The following CCDC50 variants were observed in gnomAD, a reference collection of about 807,000 sequenced individuals.
CCDC50 encodes coiled-coil domain-containing protein 50.
CCDC50 carries 54 observed loss-of-function variants against 70.2 expected under a neutral mutation model. The ratio of observed to expected loss-of-function variants is 0.77; its 90% confidence interval spans 0.62 to 0.96. The LOEUF is 0.96. Among genes scored for constraint, CCDC50 ranks in the 50% least tolerant of loss-of-function variants. The probability of loss-of-function intolerance (pLI) is 0.00; values close to 1 mark genes in which losing one functional copy is unlikely to be tolerated. For missense variants in CCDC50, 558 were observed against 578.7 expected (o/e 0.96, Z 0.37); for synonymous variants, 216 against 198.8 (o/e 1.09, Z -0.73).
intron 1 of CCDC50, among the ~76,000 whole-genome samples, chr3:191,342,687 G>C (rs994120570): frequency 3.3e-5 from 5 of 152,154 alleles, no homozygotes; most frequent in Non-Finnish European, 5.9e-5. Context: ...CAAACCATTT[G>C]AGGGCTTGTG....
In CCDC50 at chr3:191,387,595, TCTTAAGAAGTACTCTTAAGAAGTA is replaced by T. The variant is rs1395142388; in HGVS notation, c.1323-1880_1323-1857del. ...TACTCTTAAGAGCATTCTAGATTGC[TCTTAAGAAGTACTCTTAAGAAGTA>T]CTTAAGAAGTACTCTTAAGAGCATT... is the stretch of plus-strand genomic sequence containing the variant. On this transcript the variant is annotated intron_variant, in intron 10 of 11. Coordinates refer to ENST00000392455, the MANE Select transcript of CCDC50 (RefSeq NM_178335.3). Among the ~76,000 whole-genome samples the T allele has an allele frequency of 3.1e-3, 462 of 149,972 alleles. 1 individual carries two copies. Among genetic ancestry groups the T allele is most frequent in the African/African-American group, 0.011 (433 of 39,640 alleles).
intron 1 of CCDC50, among the ~76,000 whole-genome samples, chr3:191,345,688 A>T (rs1236570898): frequency 6.6e-6 from 1 of 152,172 alleles, no homozygotes; most frequent in African/African-American, 2.4e-5. Flanking sequence ...CTTGCCAAAC[A>T]AGTGGTTTAG....
At position 191,392,188 on chromosome 3, in the gene CCDC50, ATATTTTG is replaced by A. The variant is rs1466751641; in HGVS notation, c.*429_*435del. 1 of 165,386 alleles carries A rather than the reference ATATTTTG, an allele frequency of 6.0e-6. No individual in the cohort carries two copies. The highest frequency in any genetic ancestry group is 1.3e-5 in the Non-Finnish European group (1 of 75,238). 10.2% of individuals were successfully genotyped at this position (165,386 alleles called of 1,614,324 possible). A position where few individuals can be genotyped will look rare whatever the true frequency, so the allele number is the denominator to read the frequency against. ...TAGCTTTTTGTTGCATTAATGTATGATATTTTGAAGGACAGAGCCTTTGCTTTTTGTA... is the reference window on the plus strand; with the variant it reads ...TAGCTTTTTGTTGCATTAATGTATGAAAGGACAGAGCCTTTGCTTTTTGTA... On this transcript the variant is annotated 3_prime_UTR_variant, in exon 12 of 12. Transcript: ENST00000392455.
At position 191,389,525 on chromosome 3, in the gene CCDC50, A is replaced by G. The variant is rs767711828; in HGVS notation, c.1352A>G (p.Glu451Gly). ...RPPPPIMTDG[E>G]DADYTHFTNQ... Reference sequence around the variant, plus strand: ...CCACCACCTATCATGACAGATGGTGAAGATGCGGATTACACTCATTTTACA... The same window carrying G: ...CCACCACCTATCATGACAGATGGTGGAGATGCGGATTACACTCATTTTACA... Residue 451 changes from glutamate (E) to glycine (G), a missense_variant, in exon 11 of 12, where the codon GAA becomes GGA. Coordinates refer to ENST00000392455, the MANE Select transcript of CCDC50 (RefSeq NM_178335.3). 1 of 1,614,130 alleles carries G rather than the reference A, an allele frequency of 6.2e-7. No individual in the cohort carries two copies. Among genetic ancestry groups the G allele is most frequent in the South Asian group, 1.1e-5 (1 of 91,084 alleles).
intron 4 of CCDC50, among the ~76,000 whole-genome samples, chr3:191,368,625 TTC>T (rs1712786386): frequency 1.1e-5 from 1 of 87,588 alleles, no homozygotes; most frequent in Non-Finnish European, 2.0e-5. Context: ...GAGGGTATTC[TTC>T]ATTCGCACCT....
intron 1 of CCDC50, among the ~76,000 whole-genome samples, chr3:191,348,133 A>T (rs1169356390): frequency 7.0e-6 from 1 of 142,208 alleles, no homozygotes. Flanking sequence ...AGTCTGCTGT[A>T]TGTTTGTGAG....
chr3:191,346,177 A>G (rs990104073), intron 1 of CCDC50, among the ~76,000 whole-genome samples: 3 of 152,210 alleles, frequency 2.0e-5, no homozygotes, highest in Middle Eastern at 3.2e-3. Context: ...TAAAATTGCT[A>G]CTACAACTGA....
At chr3:191,357,269 A>G (rs997231223) in intron 2 of CCDC50, 119 bp downstream of exon 2, 4 of 784,668 alleles carry the variant, frequency 5.1e-6, no homozygotes, top group South Asian at 1.5e-5. Context: ...CCATCCATAC[A>G]TCCTGAAGGA....
chr3:191,388,623 C>T (rs1458635356), intron 10 of CCDC50, among the ~76,000 whole-genome samples: 1 of 152,100 alleles, frequency 6.6e-6, no homozygotes, highest in Non-Finnish European at 1.5e-5. Context: ...GAAACACTTG[C>T]TTTTATTTTT....
intron 1 of CCDC50, 61 bp downstream of exon 1, chr3:191,329,784 A>G: frequency 1.9e-6 from 3 of 1,556,592 alleles, no homozygotes; most frequent in Non-Finnish European, 2.6e-6. Flanking sequence ...AGGTTCTCTC[A>G]GGTCAGGGGC....
intron 4 of CCDC50, among the ~76,000 whole-genome samples, chr3:191,364,152 A>G (rs1383064614): frequency 6.6e-6 from 1 of 150,874 alleles, no homozygotes; most frequent in African/African-American, 2.4e-5. Context: ...CACTGCAACC[A>G]CTGCCTCCTG....
At position 191,366,997 on chromosome 3, in the gene CCDC50, T is replaced by C. The variant is rs528998356; in HGVS notation, c.331-2922T>C. On this transcript the variant is annotated intron_variant, in intron 4 of 11. Transcript: ENST00000392455. ...TGACAAAACTCATTGCATAGTAATGTTGGAAAGCTGGGAGGAGAACGGACT... is the reference window on the plus strand; with the variant it reads ...TGACAAAACTCATTGCATAGTAATGCTGGAAAGCTGGGAGGAGAACGGACT... Among the ~76,000 whole-genome samples the C allele has an allele frequency of 3.7e-4, 57 of 152,212 alleles. No homozygotes were observed. In the South Asian group the frequency reaches 0.011, roughly 30 times the overall value.
At position 191,378,374 on chromosome 3, in the gene CCDC50, ATCT is replaced by A. The variant is rs564206703; in HGVS notation, c.977-1780_977-1778del. Reference sequence around the variant, plus strand: ...TCTTTAATAAAACTGAAAGTGAAAAATCTTCTTGGCTAATTCTGTGGTGTACTT... The same window carrying A: ...TCTTTAATAAAACTGAAAGTGAAAAATCTTGGCTAATTCTGTGGTGTACTT... On this transcript the variant is annotated intron_variant, in intron 6 of 11. Coordinates refer to ENST00000392455, the MANE Select transcript of CCDC50 (RefSeq NM_178335.3). 2.1e-3 allele frequency among the ~76,000 whole-genome samples: 316 copies of A among 152,198 alleles called. 1 individual carries two copies. The highest frequency in any genetic ancestry group is 7.3e-3 in the African/African-American group (303 of 41,544).
chr3:191,391,995 A>G lies in CCDC50; in HGVS notation c.*235A>G, dbSNP rs1713711214. On this transcript the variant is annotated 3_prime_UTR_variant, in exon 12 of 12. Coordinates refer to ENST00000392455, the MANE Select transcript of CCDC50 (RefSeq NM_178335.3). ...AATATTGGCCACCTCTATGCTGCATATACTTCTTGGGATATAGTATCTAAG... is the reference window on the plus strand; with the variant it reads ...AATATTGGCCACCTCTATGCTGCATGTACTTCTTGGGATATAGTATCTAAG... The G allele has an allele frequency of 1.9e-6, 1 of 536,948 alleles. No individual in the cohort carries two copies. Among genetic ancestry groups the G allele is most frequent in the Non-Finnish European group, 3.3e-6 (1 of 298,764 alleles). The allele number at this position is 536,948 out of a possible 1,614,324, so 33.3% of individuals were successfully genotyped here.
chr3:191,387,497 G>A (rs1713536627), intron 10 of CCDC50, among the ~76,000 whole-genome samples: 1 of 151,952 alleles, frequency 6.6e-6, no homozygotes, highest in Admixed American at 6.6e-5. Context: ...AGGACTCTTG[G>A]CAGCAGTAAG....
intron 1 of CCDC50, among the ~76,000 whole-genome samples, chr3:191,340,030 T>A (rs1455435413): frequency 6.6e-6 from 1 of 152,226 alleles, no homozygotes; most frequent in African/African-American, 2.4e-5. Context: ...GTTATTACAT[T>A]TTTACATGAT....
At chr3:191,362,246 T>TACC (rs1712518695) in intron 4 of CCDC50, among the ~76,000 whole-genome samples, 1 of 152,160 alleles carries the variant, frequency 6.6e-6, no homozygotes, top group South Asian at 2.1e-4. Context: ...GCCTCTTGAG[T>TACC]AGCTGGGACT....
intron 11 of CCDC50, 83 bp from the exon 12 acceptor site, chr3:191,391,657 AT>A (rs1264355917): frequency 3.4e-6 from 4 of 1,185,500 alleles, no homozygotes; most frequent in Admixed American, 3.5e-5. Context: ...AAATAAAGTT[AT>A]TTTACTTGGG....
intron 10 of CCDC50, among the ~76,000 whole-genome samples, chr3:191,388,960 G>A (rs1713591699): frequency 6.7e-6 from 1 of 149,522 alleles, no homozygotes; most frequent in Admixed American, 6.7e-5. Flanking sequence ...ATAAAAAGTT[G>A]CGAATGTATT....
Sources: gnomAD v4.1 joint callset for allele counts (sites outside exome capture counted in the v4.1 genomes callset) on GRCh38, gnomAD v4.1.1 for gene constraint, MANE v1.5 for transcripts, NCBI Gene and HGNC (gene_info 2026-07-23, HGNC 2026-07-21) for gene names.